The following PTPRD variants were observed in gnomAD, a reference collection of about 807,000 sequenced individuals.
PTPRD encodes protein tyrosine phosphatase receptor type D, also known as receptor-type tyrosine-protein phosphatase delta.
A neutral mutation model predicts 214.5 loss-of-function variants in PTPRD; 34 were observed. The ratio of observed to expected loss-of-function variants is 0.16; its 90% CI spans 0.12 to 0.21. The LOEUF is 0.21. Ranked by LOEUF, PTPRD falls within the 10% of genes least tolerant of loss-of-function variation. The probability of loss-of-function intolerance (pLI) is 1.00; values close to 1 mark genes in which losing one functional copy is unlikely to be tolerated. For synonymous variants in PTPRD, 1,128 were observed against 845.7 expected, an observed-to-expected ratio of 1.33 and a Z score of -5.79; for missense variants, 2,545 against 2,398.7, an observed-to-expected ratio of 1.06 and a Z score of -1.27.
At chr9:10,189,586 T>C (rs2099353491) in intron 3 of PTPRD, among the ~76,000 whole-genome samples, 1 of 152,156 alleles carries the variant, frequency 6.6e-6, no homozygotes, top group South Asian at 2.1e-4. Context: ...ATGCGAGGAA[T>C]TTGTAGCATG....
At chr9:10,418,446 TACACACACACACACACACAC>T (rs3076350) in intron 2 of PTPRD, among the ~76,000 whole-genome samples, 19 of 124,650 alleles carry the variant, frequency 1.5e-4, no homozygotes, top group East Asian at 4.9e-4. Flanking sequence ...CCTTCCCCTC[TACACACACACACACACACAC>T]ACACACACAC....
chr9:9,795,107 T>C (rs921266021), intron 5 of PTPRD, among the ~76,000 whole-genome samples: 1 of 152,222 alleles, frequency 6.6e-6, no homozygotes, highest in African/African-American at 2.4e-5. Context: ...GTTTAAAACG[T>C]GAGAATACTT....
intron 2 of PTPRD, among the ~76,000 whole-genome samples, chr9:10,409,291 G>A (rs1014534631): frequency 6.6e-6 from 1 of 151,506 alleles, no homozygotes; most frequent in Non-Finnish European, 1.5e-5. Flanking sequence ...AGTATGATTG[G>A]GCACCTTTCT....
intron 8 of PTPRD, among the ~76,000 whole-genome samples, chr9:9,421,391 T>C (rs756368241): frequency 6.6e-6 from 1 of 152,104 alleles, no homozygotes; most frequent in Non-Finnish European, 1.5e-5. Flanking sequence ...TCTCTCCCTA[T>C]TTCTTAGGAA....
chr9:9,681,087 T>C (rs1226030175), intron 7 of PTPRD, among the ~76,000 whole-genome samples: 2 of 151,878 alleles, frequency 1.3e-5, no homozygotes, highest in African/African-American at 4.8e-5. Flanking sequence ...AAAATAAGCA[T>C]ATGTTAGAGT....
intron 43 of PTPRD, among the ~76,000 whole-genome samples, chr9:8,335,348 C>G (rs1194528872): frequency 6.6e-6 from 1 of 152,078 alleles, no homozygotes; most frequent in African/African-American, 2.4e-5. Flanking sequence ...ATACACAAAT[C>G]AATAAACATA....
At chr9:9,724,478 A>G (rs1445746031) in intron 7 of PTPRD, among the ~76,000 whole-genome samples, 1 of 152,158 alleles carries the variant, frequency 6.6e-6, no homozygotes, top group African/African-American at 2.4e-5. Flanking sequence ...ATGAATATAT[A>G]TTGAGGTAGT....
chr9:8,994,987 T>C (rs2154350640), intron 11 of PTPRD, among the ~76,000 whole-genome samples: 1 of 152,140 alleles, frequency 6.6e-6, no homozygotes, highest in Admixed American at 6.6e-5. Context: ...TCTGCCCTCC[T>C]TCCATAGTTG....
chr9:9,625,539 A>T lies in PTPRD; in HGVS notation c.-286-50758T>A, dbSNP rs532938422. 8.0e-5 allele frequency among the ~76,000 whole-genome samples: 12 copies of T among 150,250 alleles called. No individual in the cohort carries two copies. The South Asian group carries it at 2.5e-3, about 32-fold the overall frequency. On this transcript the variant is annotated intron_variant, in intron 7 of 45. Coordinates refer to ENST00000381196, the MANE Select transcript of PTPRD (RefSeq NM_002839.4). Reference sequence around the variant, plus strand: ...TTACTGTGAGGTGATTTCCTGACCAAATATTGTTCCTCTATTTTTTTTTTT... The same window carrying T: ...TTACTGTGAGGTGATTTCCTGACCATATATTGTTCCTCTATTTTTTTTTTT...
rs140723284 is a variant in PTPRD, at chr9:9,747,968, G to A, written c.-325-13397C>T. Among the ~76,000 whole-genome samples, 218 of 152,296 alleles carry A rather than the reference G, an allele frequency of 1.4e-3. 1 individual carries two copies. Among genetic ancestry groups the A allele is most frequent in the African/African-American group, 4.1e-3 (172 of 41,558 alleles). On this transcript the variant is annotated intron_variant, in intron 6 of 45. Coordinates refer to ENST00000381196, the MANE Select transcript of PTPRD (RefSeq NM_002839.4). Reference sequence around the variant, plus strand: ...GGATTTCCTCTGAGTCACTGTCCATGCAATGTTGTGATTAAGCTTATGACA... The same window carrying A: ...GGATTTCCTCTGAGTCACTGTCCATACAATGTTGTGATTAAGCTTATGACA...
intron 7 of PTPRD, among the ~76,000 whole-genome samples, chr9:9,592,304 C>T (rs569947563): frequency 8.6e-5 from 13 of 151,868 alleles, no homozygotes; most frequent in South Asian, 2.1e-4. Flanking sequence ...AAATCTATTG[C>T]GAAACAAATT....
chr9:8,821,466 T>C (rs1158684951), intron 11 of PTPRD, among the ~76,000 whole-genome samples: 2 of 152,176 alleles, frequency 1.3e-5, no homozygotes, highest in Non-Finnish European at 2.9e-5. Flanking sequence ...TTCTTTCTCT[T>C]AGCAGCTCCT....
chr9:10,097,758 A>G (rs2098506473), intron 3 of PTPRD, among the ~76,000 whole-genome samples: 1 of 151,862 alleles, frequency 6.6e-6, no homozygotes, highest in Non-Finnish European at 1.5e-5. Context: ...TGCCCTGGCC[A>G]GAACTTCCAA....
intron 11 of PTPRD, among the ~76,000 whole-genome samples, chr9:8,841,652 T>C (rs1169044510): frequency 6.6e-6 from 1 of 152,006 alleles, no homozygotes; most frequent in African/African-American, 2.4e-5. Flanking sequence ...TTCAGAAACC[T>C]GTTTTTGTTT....
At chr9:9,327,694 G>C (rs551204113) in intron 9 of PTPRD, among the ~76,000 whole-genome samples, 17 of 152,118 alleles carry the variant, frequency 1.1e-4, no homozygotes, top group African/African-American at 4.1e-4. Flanking sequence ...CTATATTGTT[G>C]TAATTCAAGG....
At chr9:10,481,892 C>T (rs1363048116) in intron 2 of PTPRD, among the ~76,000 whole-genome samples, 1 of 151,784 alleles carries the variant, frequency 6.6e-6, no homozygotes, top group African/African-American at 2.4e-5. Context: ...TGAAATACAG[C>T]AATTGAAAAT....
At chr9:8,601,044 C>T (rs1415518530) in intron 14 of PTPRD, among the ~76,000 whole-genome samples, 1 of 152,048 alleles carries the variant, frequency 6.6e-6, no homozygotes, top group African/African-American at 2.4e-5. Flanking sequence ...GAGTCCCAGT[C>T]CTGGCAGCCA....
At chr9:8,971,315 A>G (rs1276395615) in intron 11 of PTPRD, among the ~76,000 whole-genome samples, 2 of 151,726 alleles carry the variant, frequency 1.3e-5, no homozygotes, top group African/African-American at 4.8e-5. Context: ...TATAATCCAC[A>G]ATTGAGAAAA....
chr9:9,882,811 T>C (rs993975756), intron 5 of PTPRD, among the ~76,000 whole-genome samples: 4 of 151,748 alleles, frequency 2.6e-5, no homozygotes, highest in African/African-American at 9.7e-5. Flanking sequence ...TAATTCCCAA[T>C]GTTGGAAGTG....
Sources: gnomAD v4.1 joint callset for allele counts (sites outside exome capture counted in the v4.1 genomes callset) on GRCh38, gnomAD v4.1.1 for gene constraint, MANE v1.5 for transcripts, NCBI Gene and HGNC (gene_info 2026-07-23, HGNC 2026-07-21) for gene names.